The following COPE variants were observed in gnomAD, a reference collection of about 807,000 sequenced individuals.
The protein encoded by COPE is coatomer subunit epsilon.
Under a neutral mutation model 42.1 loss-of-function variants are expected in COPE, and 19 were observed. That is an observed-to-expected ratio of 0.45 (90% CI 0.31 to 0.66). The LOEUF (loss-of-function observed/expected upper bound fraction) is 0.66. Ranked by LOEUF, COPE falls within the 30% of genes least tolerant of loss-of-function variation. The probability of loss-of-function intolerance (pLI) is 0.05; values close to 1 mark genes in which losing one functional copy is unlikely to be tolerated. For synonymous variants in COPE, 195 were observed against 181.3 expected, an observed-to-expected ratio of 1.08 and a Z score of -0.60; for missense variants, 402 against 416.1, an observed-to-expected ratio of 0.97 and a Z score of 0.30.
chr19:18,911,468 C>G lies in COPE; in HGVS notation c.190-397G>C, dbSNP rs1002479599. The G allele has an allele frequency of 1.8e-5, 4 of 221,538 alleles. No homozygotes were observed. The East Asian group carries it at 2.8e-4, about 16-fold the overall frequency. The allele number at this position is 221,538 out of a possible 1,614,324, so 13.7% of individuals were successfully genotyped here. On this transcript the variant is annotated intron_variant, in intron 2 of 9. Transcript: ENST00000262812. ...CCAGCCCTGCCCACCTACTGGCCCT[C>G]TGAGGATGCCCAGACTGATACCACT...
intron 1 of COPE, among the ~76,000 whole-genome samples, chr19:18,918,187 CA>C (rs771893763): frequency 3.6e-4 from 18 of 50,224 alleles, no homozygotes; most frequent in East Asian, 9.7e-4. Context: ...GTCTCCATCT[CA>C]AAAAAAAAAA....
At chr19:18,911,708 C>G (rs972578675) in intron 2 of COPE, among the ~76,000 whole-genome samples, 1 of 152,094 alleles carries the variant, frequency 6.6e-6, no homozygotes, top group East Asian at 1.9e-4. Context: ...CCCGCCACCA[C>G]GCCCGGCTAA....
intron 3 of COPE, among the ~76,000 whole-genome samples, chr19:18,907,987 G>A (rs535079731): frequency 6.6e-6 from 1 of 152,224 alleles, no homozygotes; most frequent in Non-Finnish European, 1.5e-5. Flanking sequence ...CCCGTGCTGA[G>A]GGACCATGTT....
intron 6 of COPE, among the ~76,000 whole-genome samples, chr19:18,904,505 C>G (rs1398041725): frequency 6.6e-6 from 1 of 152,238 alleles, no homozygotes; most frequent in East Asian, 1.9e-4. Context: ...GCCAGGCCAA[C>G]CCAGACCCTC....
At chr19:18,900,500 A>G in intron 7 of COPE, 51 bp from the exon 8 acceptor site, 1 of 1,441,988 alleles carries the variant, frequency 6.9e-7, no homozygotes, top group Non-Finnish European at 9.5e-7. Context: ...TCCAGCCCCC[A>G]TGCCTGCCCG....
Position 18,906,995 on chromosome 19 carries a change from G to A in COPE, c.408C>T (p.Ala136=), listed in dbSNP as rs1484714673. The change falls in exon 4 of 10, where the codon GCC becomes GCT. Residue 136 remains alanine (A), a synonymous_variant. Coordinates refer to ENST00000262812, the MANE Select transcript of COPE (RefSeq NM_007263.4). ...TGTCCCCCTGGTGCAGCGCACGCAG[G>A]GCGGCATCCGGGTTCTGGTCGTGGA... ...IYLHDQNPDA[A]LRALHQGDSL... 4 of 1,581,652 alleles carry A rather than the reference G, an allele frequency of 2.5e-6. No homozygotes were observed. The highest frequency in any genetic ancestry group is 2.3e-5 in the South Asian group (2 of 86,918).
At chr19:18,911,768 G>A (rs1378975189) in intron 2 of COPE, among the ~76,000 whole-genome samples, 1 of 151,818 alleles carries the variant, frequency 6.6e-6, no homozygotes, top group African/African-American at 2.4e-5. Flanking sequence ...TAGCCAGGAT[G>A]GTCTCAATCT....
At position 18,914,852 on chromosome 19, in the gene COPE, G is replaced by T. The variant is rs957069064; in HGVS notation, c.127-1806C>A. Among the ~76,000 whole-genome samples, 17 of 150,898 alleles carry T rather than the reference G, an allele frequency of 1.1e-4. No individual in the cohort carries two copies. In the East Asian group the frequency reaches 2.0e-3, roughly 18 times the overall value. Reference sequence around the variant, plus strand: ...GCTCACTACAACCTCTGCCGCCTGGGTTCAAGAGATTTTTCTGCCTCAGTC... The same window carrying T: ...GCTCACTACAACCTCTGCCGCCTGGTTTCAAGAGATTTTTCTGCCTCAGTC... On this transcript the variant is annotated intron_variant, in intron 1 of 9. Coordinates refer to ENST00000262812, the MANE Select transcript of COPE (RefSeq NM_007263.4).
chr19:18,914,463 C>T (rs1192642182), intron 1 of COPE, among the ~76,000 whole-genome samples: 1 of 151,988 alleles, frequency 6.6e-6, no homozygotes, highest in Non-Finnish European at 1.5e-5. Flanking sequence ...ATCACTTGAA[C>T]CCGGGAGATA....
At chr19:18,900,336 G>C (rs968423789) in intron 8 of COPE, 45 bp downstream of exon 8, 8 of 1,485,398 alleles carry the variant, frequency 5.4e-6, no homozygotes, top group African/African-American at 1.4e-5. Flanking sequence ...TGGGGTCCCA[G>C]GGTCTGGACA....
chr19:18,906,610 GGGGCCCGGGGAGGCCTGAGAGACT>G (rs1308619823), intron 4 of COPE: 6 of 208,054 alleles, frequency 2.9e-5, no homozygotes, highest in Non-Finnish European at 4.8e-5. Context: ...GCCGGTATGG[GGGGCCCGGGGAGGCCTGAGAGACT>G]GGGCCCAGGG....
chr19:18,917,232 TC>T (rs759914799), intron 1 of COPE, among the ~76,000 whole-genome samples: 1 of 128,248 alleles, frequency 7.8e-6, no homozygotes, highest in African/African-American at 2.7e-5. Context: ...CTAGAAACAT[TC>T]TTTTTTTCTT....
chr19:18,907,676 G>A (rs577882674), intron 3 of COPE, among the ~76,000 whole-genome samples: 112 of 152,346 alleles, frequency 7.4e-4, no homozygotes, highest in African/African-American at 2.6e-3. Context: ...CGAGGGCACA[G>A]GTCACCCATG....
chr19:18,907,071 C>A lies in COPE; in HGVS notation c.332G>T (p.Ser111Ile), dbSNP rs748804645. The A allele has an allele frequency of 1.9e-6, 3 of 1,611,374 alleles. No homozygotes were observed. Among genetic ancestry groups the A allele is most frequent in the South Asian group, 2.2e-5 (2 of 90,558 alleles). Residue 111 changes from serine to isoleucine, a missense_variant, in exon 4 of 10, where the codon AGC becomes ATC. Transcript: ENST00000262812. ...VAELDREMSR[S>I]VDVTNTTFLL... The stretch of plus-strand genomic sequence containing the variant: ...GAAGGTGGTGTTGGTCACGTCCACG[C>A]TCCTGCTCATCTCTCGGTCCAGCTC...
chr19:18,915,307 C>T (rs1040631847), intron 1 of COPE, among the ~76,000 whole-genome samples: 2 of 152,208 alleles, frequency 1.3e-5, no homozygotes, highest in African/African-American at 2.4e-5. Flanking sequence ...TGGCCTCAGC[C>T]GCCCCTGTGT....
intron 7 of COPE, 46 bp downstream of exon 7, chr19:18,903,222 G>T: frequency 1.3e-6 from 2 of 1,507,074 alleles, no homozygotes; most frequent in Non-Finnish European, 1.8e-6. Context: ...CCCTCTGGCC[G>T]CCTGGCCTTC....
At chr19:18,916,668 G>A (rs1168806907) in intron 1 of COPE, among the ~76,000 whole-genome samples, 1 of 149,934 alleles carries the variant, frequency 6.7e-6, no homozygotes, top group Non-Finnish European at 1.5e-5. Context: ...CACGCCTGTA[G>A]TCCCAGCTAC....
At chr19:18,911,098 C>T (rs1314025370) in intron 2 of COPE, 27 bp from the exon 3 acceptor site, 1 of 1,583,938 alleles carries the variant, frequency 6.3e-7, no homozygotes, top group African/African-American at 1.3e-5. Flanking sequence ...GCGTCAGCTG[C>T]ACCCGTCCAC....
At chr19:18,908,768 C>T (rs1016923051) in intron 3 of COPE, among the ~76,000 whole-genome samples, 2 of 151,938 alleles carry the variant, frequency 1.3e-5, no homozygotes, top group Admixed American at 6.6e-5. Flanking sequence ...CCGCCCGCCT[C>T]GGCCTCCCAA....
Sources: gnomAD v4.1 joint callset for allele counts (sites outside exome capture counted in the v4.1 genomes callset) on GRCh38, gnomAD v4.1.1 for gene constraint, MANE v1.5 for transcripts, NCBI Gene and HGNC (gene_info 2026-07-23, HGNC 2026-07-21) for gene names.